The following ATP2B2 variants were observed in gnomAD, a reference collection of about 807,000 sequenced individuals.
ATP2B2 encodes the protein ATPase plasma membrane Ca2+ transporting 2, also known as plasma membrane calcium-transporting ATPase 2.
In ATP2B2, 15 loss-of-function variants were observed where a neutral mutation model predicts 120.0. The observed-to-expected ratio is 0.12, with a 90% CI of 0.08 to 0.19. The LOEUF is 0.19. ATP2B2 is among the 10% of genes least tolerant of loss of function. The pLI, the probability that ATP2B2 is intolerant of heterozygous loss-of-function variation, is 1.00. For synonymous variants in ATP2B2, 694 were observed against 700.3 expected, an observed-to-expected ratio of 0.99 and a Z score of 0.14; for missense variants, 1,045 against 1,719.8, an observed-to-expected ratio of 0.61 and a Z score of 6.94.
intron 2 of ATP2B2, among the ~76,000 whole-genome samples, chr3:10,449,026 C>T (rs1376071959): frequency 6.6e-6 from 1 of 152,238 alleles, no homozygotes; most frequent in Non-Finnish European, 1.5e-5. Flanking sequence ...ACTAGTGCCT[C>T]CCATAGTAAC....
chr3:10,507,790 G>A (rs928823025), upstream of ATP2B2, among the ~76,000 whole-genome samples: 2 of 152,208 alleles, frequency 1.3e-5, no homozygotes, highest in Admixed American at 6.5e-5. Context: ...GGTGGCTGCC[G>A]TGAGCACCCA....
chr3:10,661,157 A>C (rs954977942), intron 1 of ATP2B2, among the ~76,000 whole-genome samples: 1 of 152,146 alleles, frequency 6.6e-6, no homozygotes, highest in African/African-American at 2.4e-5. Flanking sequence ...AATGGGCAAA[A>C]ACTGGAAGCA....
chr3:10,343,073 C>A lies in ATP2B2; in HGVS notation c.2704-108G>T. On this transcript the variant is annotated intron_variant, in intron 18 of 22. Coordinates refer to ENST00000360273, the MANE Select transcript of ATP2B2 (RefSeq NM_001001331.4). The surrounding 1 kb of genome is among the most constrained non-coding windows in gnomAD (Gnocchi z 4.2). ...GCAGGCTCCTGCTGGAGGCTGGAGT[C>A]CGACCTGCCCCTTGGCTCCCCAGCA... 8.7e-7 allele frequency: 1 copy of A among 1,152,740 alleles called. No individual in the cohort carries two copies. The highest frequency in any genetic ancestry group is 1.3e-6 in the Non-Finnish European group (1 of 792,058). 71.4% of individuals were successfully genotyped at this position (1,152,740 alleles called of 1,614,324 possible). A position where few individuals can be genotyped will look rare whatever the true frequency, so the allele number is the denominator to read the frequency against.
At chr3:10,696,487 CT>C (rs1319993584) in intron 1 of ATP2B2, among the ~76,000 whole-genome samples, 1 of 152,178 alleles carries the variant, frequency 6.6e-6, no homozygotes, top group Non-Finnish European at 1.5e-5. Context: ...TGGTTTCAGC[CT>C]TTCCTCTCCG....
At chr3:10,697,204 T>C (rs1041852326) in intron 1 of ATP2B2, among the ~76,000 whole-genome samples, 6 of 152,186 alleles carry the variant, frequency 3.9e-5, no homozygotes, top group Non-Finnish European at 7.3e-5. Context: ...TCCTAGGCCT[T>C]CTTGTCAGTT....
intron 12 of ATP2B2, among the ~76,000 whole-genome samples, chr3:10,370,458 C>T (rs1437515257): frequency 1.3e-5 from 2 of 152,188 alleles, no homozygotes; most frequent in Non-Finnish European, 1.5e-5. Context: ...ACAAAAACGT[C>T]GTCATGTTTG....
At chr3:10,451,922 T>G (rs1230705091) in intron 1 of ATP2B2, among the ~76,000 whole-genome samples, 2 of 152,250 alleles carry the variant, frequency 1.3e-5, no homozygotes, top group Non-Finnish European at 2.9e-5. Context: ...TACCAGGCAC[T>G]GTGGGATGAG....
At chr3:10,478,317 G>A (rs1342854596) in intron 1 of ATP2B2, among the ~76,000 whole-genome samples, 7 of 152,078 alleles carry the variant, frequency 4.6e-5, no homozygotes, top group Admixed American at 4.6e-4. Context: ...TCATTCCATG[G>A]GTTGTCTTTG....
At chr3:10,524,425 G>T (rs1226166768) in intron 3 of ATP2B2, among the ~76,000 whole-genome samples, 1 of 152,212 alleles carries the variant, frequency 6.6e-6, no homozygotes, top group Non-Finnish European at 1.5e-5. Context: ...CCGAGGCACA[G>T]AGAGGTTAAC....
rs1276448598 is a variant in ATP2B2 at position 10,375,504 on chromosome 3, C to T, written c.1342G>A (p.Val448Met). 15 of 1,613,642 alleles carry T rather than the reference C, an allele frequency of 9.3e-6. No individual in the cohort carries two copies. Among genetic ancestry groups the T allele is most frequent in the Non-Finnish European group, 1.3e-5 (15 of 1,180,044 alleles). ...GGCACGGCGACCACCAGCACCGTCACGCCAATGATGAAGAACTTGACAAAG... is the reference window on the plus strand; with the variant it reads ...GGCACGGCGACCACCAGCACCGTCATGCCAATGATGAAGAACTTGACAAAG... The part of the protein sequence containing the change: ...QYFVKFFIIG[V>M]TVLVVAVPEG... Residue 448 changes from valine (V) to methionine (M), a missense_variant, in exon 11 of 23, where the codon GTG becomes ATG. Coordinates refer to ENST00000360273, the MANE Select transcript of ATP2B2 (RefSeq NM_001001331.4). The surrounding 1 kb of genome is among the most constrained non-coding windows in gnomAD (Gnocchi z 4.2).
chr3:10,607,047 A>G (rs1319718468), intron 2 of ATP2B2, among the ~76,000 whole-genome samples: 1 of 152,064 alleles, frequency 6.6e-6, no homozygotes, highest in African/African-American at 2.4e-5. Flanking sequence ...TGTCTTAAAA[A>G]CATTTAATTT....
At chr3:10,628,053 C>A (rs928930906) in intron 1 of ATP2B2, among the ~76,000 whole-genome samples, 1 of 152,030 alleles carries the variant, frequency 6.6e-6, no homozygotes, top group African/African-American at 2.4e-5. Context: ...AGGCCTATTG[C>A]GGGATGGGCG....
chr3:10,635,225 C>A lies in ATP2B2; in HGVS notation c.-459-15264G>T, dbSNP rs919155779. On this transcript the variant is annotated intron_variant, in intron 1 of 21. Transcript: ENST00000646379. The surrounding 1 kb of genome is among the most constrained non-coding windows in gnomAD (Gnocchi z 4.3). The stretch of plus-strand genomic sequence containing the variant: ...GGAAATCCAGGTACTTCCATGGCAT[C>A]TCTCAATTTGGGGATGTTGGCAACT... Among the ~76,000 whole-genome samples, 3 of 152,130 alleles carry A rather than the reference C, an allele frequency of 2.0e-5. No homozygotes were observed. The highest frequency in any genetic ancestry group is 4.4e-5 in the Non-Finnish European group (3 of 68,030).
chr3:10,462,215 C>T lies in ATP2B2; in HGVS notation c.-319-12353G>A, dbSNP rs141330982. ...TTGCCAAATGTCCCCTCCAAAGGTC[C>T]TCCAGGCCCTCAGGCTCTCCTAAGT... is the stretch of plus-strand genomic sequence containing the variant. On this transcript the variant is annotated intron_variant, in intron 1 of 22. Coordinates refer to ENST00000360273, the MANE Select transcript of ATP2B2 (RefSeq NM_001001331.4). 3.3e-3 allele frequency among the ~76,000 whole-genome samples: 504 copies of T among 152,330 alleles called. 2 individuals carry two copies. The highest frequency in any genetic ancestry group is 0.02 in the Middle Eastern group (6 of 294).
At chr3:10,636,986 A>C (rs1347578299) in intron 1 of ATP2B2, among the ~76,000 whole-genome samples, 1 of 152,212 alleles carries the variant, frequency 6.6e-6, no homozygotes. Context: ...TGGCAGTCAG[A>C]CAGGGCTGGA....
rs2065101579 is a variant in ATP2B2, at chr3:10,473,781, A to G, written c.-319-23919T>C. 2.6e-5 allele frequency among the ~76,000 whole-genome samples: 4 copies of G among 152,224 alleles called. No homozygotes were observed. In the South Asian group the frequency reaches 6.2e-4, roughly 24 times the overall value. ...GACCCTGGAGGTGGGAAGGGGCAAG[A>G]CATGCTTTTAGTAACTCAAAGAAGG... On this transcript the variant is annotated intron_variant, in intron 1 of 22. Transcript: ENST00000360273.
intron 1 of ATP2B2, among the ~76,000 whole-genome samples, chr3:10,485,573 C>G (rs927874388): frequency 2.6e-5 from 4 of 152,204 alleles, no homozygotes; most frequent in Non-Finnish European, 5.9e-5. Context: ...AAGCAGGCCC[C>G]TGTGAATCAG....
chr3:10,575,705 G>A lies in ATP2B2; in HGVS notation c.-414-41572C>T, dbSNP rs138442453. Among the ~76,000 whole-genome samples, 3 of 152,284 alleles carry A rather than the reference G, an allele frequency of 2.0e-5. No individual in the cohort carries two copies. The East Asian group carries it at 5.8e-4, about 29-fold the overall frequency. On this transcript the variant is annotated intron_variant, in intron 2 of 21. Transcript: ENST00000646379. ...CATAAAAACACCAATACCTGGAGAGGAGAATTTCCCCTGGGCTGCTGGCTG... is the reference window on the plus strand; with the variant it reads ...CATAAAAACACCAATACCTGGAGAGAAGAATTTCCCCTGGGCTGCTGGCTG...
Position 10,577,666 on chromosome 3 carries a change from A to G in ATP2B2, c.-415+42251T>C, listed in dbSNP as rs2068285160. ...CTCAGAGAAGGCCCTGGGCTGCACA[A>G]TGTAGATGGTGTCCTGCCAGCTCCC... is the stretch of plus-strand genomic sequence containing the variant. On this transcript the variant is annotated intron_variant, in intron 2 of 21. Coordinates refer to the ATP2B2 transcript ENST00000646379. 2.0e-5 allele frequency among the ~76,000 whole-genome samples: 3 copies of G among 152,338 alleles called. No individual in the cohort carries two copies. In the South Asian group the frequency reaches 6.2e-4, roughly 32 times the overall value.
Sources: gnomAD v4.1 joint callset for allele counts (sites outside exome capture counted in the v4.1 genomes callset) on GRCh38, gnomAD v4.1.1 for gene constraint, Gnocchi (gnomAD v3.1) non-coding constraint, MANE v1.5 for transcripts, NCBI Gene and HGNC (gene_info 2026-07-23, HGNC 2026-07-21) for gene names.